FXYD2: variants seen among roughly 807,000 people sequenced by gnomAD.
FXYD2 encodes FXYD domain containing ion transport regulator 2.
In FXYD2, 8 loss-of-function variants were observed where a neutral mutation model predicts 11.8. The ratio of observed to expected loss-of-function variants is 0.68; its 90% CI spans 0.40 to 1.22. FXYD2 has a LOEUF of 1.22. Among genes scored for constraint, FXYD2 ranks in the 50% most tolerant of loss-of-function variants. The pLI, the probability that FXYD2 is intolerant of heterozygous loss-of-function variation, is 0.01. For missense variants in FXYD2, 92 were observed against 91.8 expected, an observed-to-expected ratio of 1.00 and a Z score of -0.01; for synonymous variants, 42 against 33.3, an observed-to-expected ratio of 1.26 and a Z score of -0.90.
Position 117,822,298 on chromosome 11 carries a change from G to A in FXYD2, c.139+108C>T, listed in dbSNP as rs1179196547. On this transcript the variant is annotated intron_variant, in intron 3 of 5. Coordinates refer to ENST00000292079, the MANE Select transcript of FXYD2 (RefSeq NM_001680.5). The surrounding 1 kb of genome is among the most constrained non-coding windows in gnomAD (Gnocchi z 4.7). Reference sequence around the variant, plus strand: ...ACATCCTGCAGTGGGGGGCGTGGTGGGGAGGCTCACCCCTCCCTTGGCAAC... The same window carrying A: ...ACATCCTGCAGTGGGGGGCGTGGTGAGGAGGCTCACCCCTCCCTTGGCAAC... 6.5e-7 allele frequency: 1 copy of A among 1,545,296 alleles called. No individual in the cohort carries two copies. The highest frequency in any genetic ancestry group is 1.4e-5 in the African/African-American group (1 of 72,944).
upstream of FXYD2, among the ~76,000 whole-genome samples, chr11:117,826,249 G>A (rs2056034001): frequency 6.6e-6 from 1 of 152,216 alleles, no homozygotes; most frequent in Non-Finnish European, 1.5e-5. Flanking sequence ...GAGACGGAGA[G>A]AATGGCATGG....
chr11:117,827,025 CG>C (rs144300071), upstream of FXYD2, among the ~76,000 whole-genome samples: 7 of 148,644 alleles, frequency 4.7e-5, no homozygotes, highest in Admixed American at 6.7e-5. Context: ...GCTCCCACTG[CG>C]GGGGGGAGGA....
chr11:117,822,225 C>T lies in FXYD2; in HGVS notation c.139+181G>A. 1 of 1,495,048 alleles carries T rather than the reference C, an allele frequency of 6.7e-7. No individual in the cohort carries two copies. The highest frequency in any genetic ancestry group is 8.9e-7 in the Non-Finnish European group (1 of 1,122,766). 92.6% of individuals were successfully genotyped at this position (1,495,048 alleles called of 1,614,324 possible). A position where few individuals can be genotyped will look rare whatever the true frequency, so the allele number is the denominator to read the frequency against. The stretch of plus-strand genomic sequence containing the variant: ...GGTGCACTTGAGCAAGCAGGAACCT[C>T]ACACTGTGCTCCCAGCGAGCCTGGC... On this transcript the variant is annotated intron_variant, in intron 3 of 5. Transcript: ENST00000292079. This position sits in a 1 kb window ranked among gnomAD's most constrained non-coding sequence, Gnocchi z 4.7.
At chr11:117,821,515 T>C in intron 3 of FXYD2, 1 of 986,026 alleles carries the variant, frequency 1.0e-6, no homozygotes, top group Non-Finnish European at 1.2e-6. Context: ...CCAGCACAGC[T>C]GCCCGATGAA....
At chr11:117,825,134 C>A (rs1016858513), upstream of FXYD2, among the ~76,000 whole-genome samples, 1 of 152,180 alleles carries the variant, frequency 6.6e-6, no homozygotes, top group Non-Finnish European at 1.5e-5. Context: ...CCATGGATGC[C>A]GCCGCTGCAG....
At chr11:117,827,258 CT>C (rs2056064837), upstream of FXYD2, among the ~76,000 whole-genome samples, 1 of 152,030 alleles carries the variant, frequency 6.6e-6, no homozygotes. Context: ...GAAATTAATT[CT>C]TTTTTTTAAG....
rs1365048210 is a variant in FXYD2 at position 117,822,008 on chromosome 11, G to A, written c.139+398C>T. ...GTCTGCACTGGACCGTTCTCAGAGC[G>A]CTGTCCTGACTGCCATGTCTTTGGA... On this transcript the variant is annotated intron_variant, in intron 3 of 5. Transcript: ENST00000292079. The surrounding 1 kb of genome is among the most constrained non-coding windows in gnomAD (Gnocchi z 4.7). The A allele has an allele frequency of 1.5e-5, 18 of 1,176,034 alleles. No individual in the cohort carries two copies. The highest frequency in any genetic ancestry group is 7.5e-4 in the Middle Eastern group (2 of 2,660). The allele number at this position is 1,176,034 out of a possible 1,614,324, so 72.8% of individuals were successfully genotyped here.
Position 117,820,324 on chromosome 11 carries a change from A to G in FXYD2, c.*55T>C. On this transcript the variant is annotated 3_prime_UTR_variant, in exon 6 of 6. Coordinates refer to ENST00000292079, the MANE Select transcript of FXYD2 (RefSeq NM_001680.5). ...AAGGGGAGGCGCCAGAGGCAGGGCC[A>G]TGCTTGGCTTCCCAGCTGGCCCCAG... The G allele has an allele frequency of 2.6e-6, 1 of 384,818 alleles. No homozygotes were observed. Among genetic ancestry groups the G allele is most frequent in the Non-Finnish European group, 4.7e-6 (1 of 213,760 alleles). 23.8% of individuals were successfully genotyped at this position (384,818 alleles called of 1,614,324 possible). A position where few individuals can be genotyped will look rare whatever the true frequency, so the allele number is the denominator to read the frequency against.
chr11:117,824,230 A>C lies in FXYD2; in HGVS notation c.25+424T>G. On this transcript the variant is annotated intron_variant, in intron 1 of 5. Transcript: ENST00000292079. The surrounding 1 kb of genome is among the most constrained non-coding windows in gnomAD (Gnocchi z 4.0). ...TTCCTGTGACAGGAAGCCTTTGGAGAGTGTGACTTGAACTTGGCGGGCTCT... is the reference window on the plus strand; with the variant it reads ...TTCCTGTGACAGGAAGCCTTTGGAGCGTGTGACTTGAACTTGGCGGGCTCT... The C allele has an allele frequency of 3.6e-6, 1 of 281,456 alleles. No homozygotes were observed. The highest frequency in any genetic ancestry group is 2.2e-5 in the African/African-American group (1 of 46,476). 17.4% of individuals were successfully genotyped at this position (281,456 alleles called of 1,614,324 possible).
At chr11:117,824,777 G>A, upstream of FXYD2, 2 of 1,485,354 alleles carry the variant, frequency 1.3e-6, no homozygotes, top group South Asian at 1.2e-5. This position sits in a 1 kb window ranked among gnomAD's most constrained non-coding sequence, Gnocchi z 4.0. Flanking sequence ...GGGACGAGGT[G>A]CGGGCATTAA....
At chr11:117,820,790 C>G (rs2055881246) in intron 4 of FXYD2, 69 bp downstream of exon 4, 1 of 1,613,744 alleles carries the variant, frequency 6.2e-7, no homozygotes, top group Non-Finnish European at 8.5e-7. Context: ...GTGTCAGAGA[C>G]AAAATCCTCA....
At chr11:117,821,821 A>T (rs956103114) in intron 3 of FXYD2, 1 of 993,970 alleles carries the variant, frequency 1.0e-6, no homozygotes, top group African/African-American at 1.7e-5. Context: ...TCCAGAGCCC[A>T]CAGGTGTGCT....
At chr11:117,828,010 C>G, upstream of FXYD2, 4 of 1,549,626 alleles carry the variant, frequency 2.6e-6, no homozygotes, top group Non-Finnish European at 8.7e-7. Context: ...TACCACCTGT[C>G]CATGGCAGGA....
chr11:117,827,621 G>A (rs1027400304), upstream of FXYD2, among the ~76,000 whole-genome samples: 1 of 152,210 alleles, frequency 6.6e-6, no homozygotes, highest in African/African-American at 2.4e-5. Flanking sequence ...CCATTTCATA[G>A]AGGAAGAAAC....
chr11:117,826,468 T>C (rs73018469), upstream of FXYD2, among the ~76,000 whole-genome samples: 1,181 of 152,284 alleles, frequency 7.8e-3, 10 homozygotes, highest in Middle Eastern at 0.024. Context: ...CTTTCCACAA[T>C]AGCCCCTGGA....
In FXYD2 at chr11:117,822,259, G is replaced by A. The variant is rs1321264331; in HGVS notation, c.139+147C>T. ...CTCCCAGCGAGCCTGGCACCCCACC[G>A]GGCACCCATTCCCACATCCTGCAGT... On this transcript the variant is annotated intron_variant, in intron 3 of 5. Transcript: ENST00000292079. The surrounding 1 kb of genome is among the most constrained non-coding windows in gnomAD (Gnocchi z 4.7). 11 of 1,524,222 alleles carry A rather than the reference G, an allele frequency of 7.2e-6. No homozygotes were observed. Among genetic ancestry groups the A allele is most frequent in the Admixed American group, 6.0e-5 (3 of 50,376 alleles). The allele number at this position is 1,524,222 out of a possible 1,614,324, so 94.4% of individuals were successfully genotyped here.
chr11:117,820,705 G>A lies in FXYD2; in HGVS notation c.177-9C>T. On this transcript the variant is annotated splice_polypyrimidine_tract_variant and intron_variant, in intron 4 of 5. Coordinates refer to ENST00000292079, the MANE Select transcript of FXYD2 (RefSeq NM_001680.5). Reference sequence around the variant, plus strand: ...CATCTTCATTGATTTGCCTGGTGGGGGAAGGAAAAGCAACAGGTGAGAGGG... The same window carrying A: ...CATCTTCATTGATTTGCCTGGTGGGAGAAGGAAAAGCAACAGGTGAGAGGG... 1 of 1,614,060 alleles carries A rather than the reference G, an allele frequency of 6.2e-7. No homozygotes were observed. Among genetic ancestry groups the A allele is most frequent in the Non-Finnish European group, 8.5e-7 (1 of 1,180,016 alleles).
At chr11:117,820,418 G>T (rs1006815006) in intron 5 of FXYD2, 46 bp from the exon 6 acceptor site, 20 of 575,288 alleles carry the variant, frequency 3.5e-5, no homozygotes, top group African/African-American at 3.2e-4. Context: ...GGCAGCAGAG[G>T]TTGGGGTTTT....
chr11:117,821,756 A>G, intron 3 of FXYD2: 1 of 988,622 alleles, frequency 1.0e-6, no homozygotes, highest in Non-Finnish European at 1.2e-6. Context: ...GGAGACCCGC[A>G]GGACTGTGGC....
Sources: allele counts gnomAD v4.1 joint callset (sites outside exome capture counted in the v4.1 genomes callset), GRCh38; gene constraint gnomAD v4.1.1; non-coding constraint Gnocchi (gnomAD v3.1); transcripts MANE v1.5; gene names NCBI Gene and HGNC (gene_info 2026-07-23, HGNC 2026-07-21).